L3MBTL4: variants seen among roughly 807,000 people sequenced by gnomAD.
L3MBTL4 encodes L3MBTL histone methyl-lysine binding protein 4.
Under a neutral mutation model 84.5 loss-of-function variants are expected in L3MBTL4, and 70 were observed. That is an observed-to-expected ratio of 0.83 (90% CI 0.68 to 1.01). L3MBTL4 has a LOEUF of 1.01. Ranked by LOEUF, L3MBTL4 falls within the 50% of genes least tolerant of loss-of-function variation. The probability of loss-of-function intolerance (pLI) is 0.00; values close to 1 mark genes in which losing one functional copy is unlikely to be tolerated. For synonymous variants in L3MBTL4, 274 were observed against 259.8 expected, an observed-to-expected ratio of 1.05 and a Z score of -0.52; for missense variants, 715 against 754.8, an observed-to-expected ratio of 0.95 and a Z score of 0.62.
rs954212128 is a variant in L3MBTL4, at chr18:6,015,755, G to A, written c.1445-46193C>T. ...AGGAGAATCATGAGGTCAGGAGATC[G>A]AGACCATCCTGGCTAACACAGTGAA... On this transcript the variant is annotated intron_variant, in intron 16 of 18. Transcript: ENST00000317931. 4.6e-5 allele frequency among the ~76,000 whole-genome samples: 7 copies of A among 152,076 alleles called. 1 individual carries two copies. The highest frequency in any genetic ancestry group is 2.1e-4 in the South Asian group (1 of 4,826).
intron 16 of L3MBTL4, among the ~76,000 whole-genome samples, chr18:6,047,515 A>T (rs927940012): frequency 2.1e-4 from 32 of 152,234 alleles, no homozygotes; most frequent in African/African-American, 7.7e-4. Flanking sequence ...AAATACTAGC[A>T]AACTGAATCC....
chr18:6,030,727 C>T, intron 16 of L3MBTL4: 1 of 975,332 alleles, frequency 1.0e-6, no homozygotes, highest in Non-Finnish European at 1.2e-6. Flanking sequence ...ATGCTATCTC[C>T]ATTTCTCTCT....
chr18:6,351,559 T>A (rs2053187185), intron 1 of L3MBTL4, among the ~76,000 whole-genome samples: 1 of 129,974 alleles, frequency 7.7e-6, no homozygotes, highest in South Asian at 2.3e-4. Flanking sequence ...GGATTTTTTA[T>A]TTTTTTTTTT....
chr18:5,967,516 T>C (rs577655814), intron 17 of L3MBTL4, among the ~76,000 whole-genome samples: 1 of 152,358 alleles, frequency 6.6e-6, no homozygotes, highest in South Asian at 2.1e-4. Context: ...ATTAGATACA[T>C]TCCATTTTTT....
chr18:5,987,843 G>C (rs1339704835), intron 16 of L3MBTL4, among the ~76,000 whole-genome samples: 6 of 151,944 alleles, frequency 3.9e-5, no homozygotes, highest in Non-Finnish European at 8.8e-5. Context: ...GCAAGAGATT[G>C]CTTGCTGTCT....
At chr18:6,015,494 T>G (rs2054925675) in intron 16 of L3MBTL4, among the ~76,000 whole-genome samples, 1 of 152,110 alleles carries the variant, frequency 6.6e-6, no homozygotes, top group Non-Finnish European at 1.5e-5. Context: ...CTTTGGGGGA[T>G]CTAGAACAAC....
At chr18:6,071,217 C>T (rs886458695) in intron 16 of L3MBTL4, among the ~76,000 whole-genome samples, 2 of 151,420 alleles carry the variant, frequency 1.3e-5, no homozygotes, top group African/African-American at 2.4e-5. Flanking sequence ...ATGGTGAAAC[C>T]CTGTCTCTAC....
intron 1 of L3MBTL4, among the ~76,000 whole-genome samples, chr18:6,345,409 C>G (rs2052844736): frequency 6.6e-6 from 1 of 150,502 alleles, no homozygotes; most frequent in Non-Finnish European, 1.5e-5. Flanking sequence ...AACAAACAAA[C>G]AAACAAACAA....
At chr18:6,092,742 G>A (rs2058501587) in intron 15 of L3MBTL4, among the ~76,000 whole-genome samples, 1 of 152,110 alleles carries the variant, frequency 6.6e-6, no homozygotes, top group Non-Finnish European at 1.5e-5. Flanking sequence ...TACTCATTTA[G>A]GTTAAAAAAT....
At chr18:6,207,922 C>T (rs1164783481) in intron 12 of L3MBTL4, among the ~76,000 whole-genome samples, 1 of 151,706 alleles carries the variant, frequency 6.6e-6, no homozygotes, top group Non-Finnish European at 1.5e-5. Flanking sequence ...CTGGGCAACA[C>T]TGCAAACCCC....
chr18:6,275,916 C>A (rs1038661300), intron 4 of L3MBTL4, among the ~76,000 whole-genome samples: 9 of 152,194 alleles, frequency 5.9e-5, no homozygotes, highest in African/African-American at 2.2e-4. Context: ...TTAGGGCAAA[C>A]CTGCTTCCCA....
At chr18:6,112,365 C>A (rs1178362401) in intron 14 of L3MBTL4, among the ~76,000 whole-genome samples, 1 of 152,208 alleles carries the variant, frequency 6.6e-6, no homozygotes, top group East Asian at 1.9e-4. Flanking sequence ...AAATCTCTCC[C>A]TTTGCTGCAC....
intron 3 of L3MBTL4, among the ~76,000 whole-genome samples, chr18:6,310,113 G>A (rs1050563532): frequency 6.6e-6 from 1 of 152,084 alleles, no homozygotes; most frequent in African/African-American, 2.4e-5. Flanking sequence ...GACCACATGT[G>A]GAGAAGTACC....
rs201949932 is a variant in L3MBTL4, at chr18:6,321,923, GA to G, written c.-90-9868del. On this transcript the variant is annotated intron_variant, in intron 1 of 18. Coordinates refer to ENST00000317931, the MANE Select transcript of L3MBTL4 (RefSeq NM_001330559.2). ...GGGAGGCTAGAAAGGGGGTGAGGGA[GA>G]AAAAAAAACTACATATTTGGTATAA... Among the ~76,000 whole-genome samples, 30 of 150,290 alleles carry G rather than the reference GA, an allele frequency of 2.0e-4. No homozygotes were observed. In the East Asian group the frequency reaches 4.5e-3, roughly 22 times the overall value.
chr18:6,179,772 C>T lies in L3MBTL4; in HGVS notation c.982-7830G>A, dbSNP rs147817753. 1.7e-3 allele frequency among the ~76,000 whole-genome samples: 255 copies of T among 152,218 alleles called. 3 individuals are homozygous for T. Among genetic ancestry groups the T allele is most frequent in the Middle Eastern group, 0.01 (3 of 294 alleles). On this transcript the variant is annotated intron_variant, in intron 12 of 18. Transcript: ENST00000317931. ...CCTCCCAAATAGCTGGAACTACAGG[C>T]GCATGCCACCACACCACACCACTCA...
intron 10 of L3MBTL4, among the ~76,000 whole-genome samples, chr18:6,219,471 C>T (rs1004600723): frequency 7.0e-6 from 1 of 143,052 alleles, no homozygotes; most frequent in Non-Finnish European, 1.5e-5. Context: ...CCACCCATGC[C>T]CACAGCCACA....
chr18:6,390,774 C>A (rs1363667725), intron 1 of L3MBTL4, among the ~76,000 whole-genome samples: 1 of 152,006 alleles, frequency 6.6e-6, no homozygotes, highest in Non-Finnish European at 1.5e-5. Context: ...TAGATTAAAT[C>A]AGGAAGAAAC....
At chr18:6,189,471 TCTCTTTGG>T (rs1369717351) in intron 12 of L3MBTL4, among the ~76,000 whole-genome samples, 1 of 152,078 alleles carries the variant, frequency 6.6e-6, no homozygotes, top group African/African-American at 2.4e-5. Context: ...CCTACTGCAG[TCTCTTTGG>T]CTCTTTTATT....
In L3MBTL4 at chr18:5,960,160, C is replaced by A; in HGVS notation, c.1615-4G>T. 2 of 1,587,328 alleles carry A rather than the reference C, an allele frequency of 1.3e-6. No individual in the cohort carries two copies. The highest frequency in any genetic ancestry group is 2.2e-5 in the East Asian group (1 of 44,496). On this transcript the variant is annotated splice_polypyrimidine_tract_variant and splice_region_variant and intron_variant, in intron 17 of 18. Coordinates refer to ENST00000317931, the MANE Select transcript of L3MBTL4 (RefSeq NM_001330559.2). ...GAGACTGTACAAACTCAGCCACCTA[C>A]AGTGCGAGATGAAAAGCCTAATTTA...
Sources: allele counts gnomAD v4.1 joint callset (sites outside exome capture counted in the v4.1 genomes callset), GRCh38; gene constraint gnomAD v4.1.1; transcripts MANE v1.5; gene names NCBI Gene and HGNC (gene_info 2026-07-23, HGNC 2026-07-21).